GPC5: variants seen among roughly 807,000 people sequenced by gnomAD.
GPC5 encodes the protein glypican 5, also known as glypican-5.
A neutral mutation model predicts 53.9 loss-of-function variants in GPC5; 47 were observed. The observed-to-expected ratio is 0.87, with a 90% CI of 0.69 to 1.11. The LOEUF (loss-of-function observed/expected upper bound fraction) is 1.11, where lower values mean the gene tolerates loss of function less well. Ranked by LOEUF, GPC5 falls within the 50% of genes most tolerant of loss-of-function variation. The probability of loss-of-function intolerance (pLI) is 0.00; values close to 1 mark genes in which losing one functional copy is unlikely to be tolerated. For missense variants in GPC5, 748 were observed against 713.1 expected (o/e 1.05, Z -0.56); for synonymous variants, 286 against 263.3 (o/e 1.09, Z -0.84).
At chr13:92,599,836 A>G (rs934808080) in intron 7 of GPC5, among the ~76,000 whole-genome samples, 1 of 152,204 alleles carries the variant, frequency 6.6e-6, no homozygotes, top group Non-Finnish European at 1.5e-5. Flanking sequence ...TTATTCTGGT[A>G]AAATATATAC....
chr13:91,977,972 A>G (rs890170707), intron 6 of GPC5, among the ~76,000 whole-genome samples: 1 of 148,496 alleles, frequency 6.7e-6, no homozygotes, highest in Non-Finnish European at 1.5e-5. Flanking sequence ...AGAAAGAAAG[A>G]AAGAAAGAAA....
chr13:91,974,465 G>T (rs9589386), intron 6 of GPC5, among the ~76,000 whole-genome samples: 3,304 of 146,992 alleles, frequency 0.022, 59 homozygotes, highest in Middle Eastern at 0.056. Context: ...AGCATTCTTA[G>T]ACACCAATAA....
chr13:92,727,140 C>T (rs1888670181), intron 7 of GPC5, among the ~76,000 whole-genome samples: 1 of 151,426 alleles, frequency 6.6e-6, no homozygotes, highest in South Asian at 2.1e-4. Context: ...GGAGTTTATG[C>T]AGAGCCCTGT....
intron 7 of GPC5, among the ~76,000 whole-genome samples, chr13:92,834,561 A>G (rs145746786): frequency 6.6e-6 from 1 of 152,154 alleles, no homozygotes; most frequent in Non-Finnish European, 1.5e-5. Context: ...GCTTCAAAAA[A>G]TCAATACAAT....
chr13:92,294,456 A>T (rs954040661), intron 7 of GPC5, among the ~76,000 whole-genome samples: 1 of 152,256 alleles, frequency 6.6e-6, no homozygotes, highest in East Asian at 1.9e-4. Context: ...GAATTTATCC[A>T]TCTCTTCTAG....
At chr13:91,521,212 G>A (rs1042799953) in intron 2 of GPC5, among the ~76,000 whole-genome samples, 60 of 152,226 alleles carry the variant, frequency 3.9e-4, no homozygotes, top group African/African-American at 1.4e-3. Context: ...TTCTCAGGCT[G>A]GCAGTGTTTT....
chr13:91,491,848 CT>C (rs1883957408), intron 2 of GPC5, among the ~76,000 whole-genome samples: 1 of 152,156 alleles, frequency 6.6e-6, no homozygotes, highest in Admixed American at 6.6e-5. Context: ...ATTTCAGGAT[CT>C]TTAGTTTAAT....
chr13:92,417,349 A>C (rs9523669), intron 7 of GPC5, among the ~76,000 whole-genome samples: 57,855 of 152,044 alleles, frequency 0.38, 11,336 homozygotes, highest in Non-Finnish European at 0.42. Context: ...AAAAGATAAT[A>C]AAGTGTGGGA....
intron 5 of GPC5, among the ~76,000 whole-genome samples, chr13:91,815,459 T>G (rs2038384894): frequency 6.6e-6 from 1 of 152,194 alleles, no homozygotes; most frequent in South Asian, 2.1e-4. Flanking sequence ...TCCTTGAATT[T>G]TTCTAATATT....
rs1401116703 is a variant in GPC5, at chr13:92,211,375, C to A, written c.1561+66386C>A. On this transcript the variant is annotated intron_variant, in intron 7 of 7. Coordinates refer to ENST00000377067, the MANE Select transcript of GPC5 (RefSeq NM_004466.6). ...ATCTTGCTCTTCCTCATTCCTGACA[C>A]CCTGTCTATGTAACCCATGTATGAG... is the stretch of plus-strand genomic sequence containing the variant. Among the ~76,000 whole-genome samples the A allele has an allele frequency of 2.6e-5, 4 of 152,344 alleles. No homozygotes were observed. In the East Asian group the frequency reaches 5.8e-4, roughly 22 times the overall value.
intron 7 of GPC5, among the ~76,000 whole-genome samples, chr13:92,716,836 A>G (rs772322582): frequency 3.3e-5 from 5 of 152,146 alleles, no homozygotes; most frequent in Non-Finnish European, 7.3e-5. Flanking sequence ...AGCAACCAAT[A>G]AGCTTTCTTT....
intron 5 of GPC5, among the ~76,000 whole-genome samples, chr13:91,845,555 A>C (rs980255508): frequency 6.6e-6 from 1 of 152,130 alleles, no homozygotes; most frequent in African/African-American, 2.4e-5. Context: ...TATAATCCAC[A>C]GTTATTTAGT....
chr13:91,813,302 G>GAA (rs548878896), intron 5 of GPC5, among the ~76,000 whole-genome samples: 28 of 152,312 alleles, frequency 1.8e-4, no homozygotes, highest in African/African-American at 6.0e-4. Flanking sequence ...TGATCCTGCT[G>GAA]AAAGCTCCCT....
At chr13:91,429,536 A>C (rs953589008) in intron 1 of GPC5, among the ~76,000 whole-genome samples, 2 of 152,182 alleles carry the variant, frequency 1.3e-5, no homozygotes, top group Non-Finnish European at 2.9e-5. Context: ...TGAATATGGA[A>C]AGATGATAGA....
chr13:92,765,536 C>A (rs1875369233), intron 7 of GPC5, among the ~76,000 whole-genome samples: 1 of 152,176 alleles, frequency 6.6e-6, no homozygotes, highest in Non-Finnish European at 1.5e-5. Flanking sequence ...GAGTGAGTGA[C>A]ATAACGTATT....
chr13:91,756,340 T>C lies in GPC5; in HGVS notation c.1200T>C (p.Gly400=), dbSNP rs1321394440. ...GACTGTACAGGTCATTCTATGGAGG[T>C]CTAGCTGATCAGCTTTGTGCTAATG... ...SLRLYRSFYG[G]LADQLCANEL... Residue 400 remains glycine (G), a synonymous_variant, in exon 5 of 8, where the codon GGT becomes GGC. Transcript: ENST00000377067. The C allele has an allele frequency of 1.9e-6, 3 of 1,594,556 alleles. No individual in the cohort carries two copies. The highest frequency in any genetic ancestry group is 1.3e-5 in the African/African-American group (1 of 74,678).
In GPC5 at chr13:92,379,295, CCT is replaced by C. The variant is rs375507339; in HGVS notation, c.1561+234313_1561+234314del. On this transcript the variant is annotated intron_variant, in intron 7 of 7. Coordinates refer to ENST00000377067, the MANE Select transcript of GPC5 (RefSeq NM_004466.6). ...TTCTAAATCAGAGCTCATATTATTC[CCT>C]CTCTCTGATGCCAGCCAGGCCCCAG... 1.9e-3 allele frequency among the ~76,000 whole-genome samples: 288 copies of C among 152,240 alleles called. 2 individuals are homozygous for C. The highest frequency in any genetic ancestry group is 6.3e-3 in the African/African-American group (263 of 41,534).
At chr13:91,668,460 T>A (rs758686246) in intron 2 of GPC5, among the ~76,000 whole-genome samples, 6 of 152,236 alleles carry the variant, frequency 3.9e-5, no homozygotes, top group Non-Finnish European at 8.8e-5. Flanking sequence ...ACCCAAATTC[T>A]CAAATGCATG....
At chr13:92,022,490 C>T (rs2040767324) in intron 6 of GPC5, among the ~76,000 whole-genome samples, 1 of 152,100 alleles carries the variant, frequency 6.6e-6, no homozygotes. Flanking sequence ...TCTTATTCAT[C>T]TCTGTATGCC....
Sources: allele counts gnomAD v4.1 joint callset (sites outside exome capture counted in the v4.1 genomes callset), GRCh38; gene constraint gnomAD v4.1.1; transcripts MANE v1.5; gene names NCBI Gene and HGNC (gene_info 2026-07-23, HGNC 2026-07-21).